PSMA6: variants seen among roughly 807,000 people sequenced by gnomAD.
PSMA6 encodes the protein proteasome subunit alpha type-6.
For synonymous variants in PSMA6, 88 were observed against 97.7 expected (o/e 0.90, Z 0.59); for missense variants, 170 against 294.8 (o/e 0.58, Z 3.10).
rs780734086 is a variant in PSMA6 at position 35,292,387 on chromosome 14, C to T, written c.-90C>T. The T allele has an allele frequency of 3.8e-5, 59 of 1,541,342 alleles. No homozygotes were observed. Among genetic ancestry groups the T allele is most frequent in the Non-Finnish European group, 5.2e-5 (59 of 1,144,852 alleles). On this transcript the variant is annotated 5_prime_UTR_variant, in exon 1 of 7. Coordinates refer to ENST00000261479, the MANE Select transcript of PSMA6 (RefSeq NM_002791.3). ...AGAAACGCGGCTGGTACCCCGGAAG[C>T]AGTCGCTGCAACTTCCGGGAGGTGC... is the stretch of plus-strand genomic sequence containing the variant.
intron 1 of PSMA6, among the ~76,000 whole-genome samples, chr14:35,298,811 A>T (rs932117578): frequency 1.3e-5 from 2 of 148,746 alleles, no homozygotes; most frequent in African/African-American, 4.9e-5. Context: ...TCAGATCACT[A>T]TAACTTCCGC....
rs1044023041 is a variant in PSMA6 at position 35,309,124 on chromosome 14, G to A, written c.253+129G>A. ...ATTTTCAAGTGCCATGAGTGGATTTGCAGTCTTCTAAGACTAGTATCAATA... is the reference window on the plus strand; with the variant it reads ...ATTTTCAAGTGCCATGAGTGGATTTACAGTCTTCTAAGACTAGTATCAATA... On this transcript the variant is annotated intron_variant, in intron 3 of 6. Transcript: ENST00000261479. 1.6e-5 allele frequency: 11 copies of A among 695,694 alleles called. No individual in the cohort carries two copies. The South Asian group carries it at 2.2e-4, about 14-fold the overall frequency. The allele number at this position is 695,694 out of a possible 1,614,324, so 43.1% of individuals were successfully genotyped here.
At chr14:35,290,343 CT>C (rs2051464044), upstream of PSMA6, among the ~76,000 whole-genome samples, 1 of 152,058 alleles carries the variant, frequency 6.6e-6, no homozygotes, top group South Asian at 2.1e-4. Context: ...AGACAAAAGT[CT>C]TCAAAAGGTC....
chr14:35,303,359 ACT>A (rs2051756673), intron 1 of PSMA6, among the ~76,000 whole-genome samples: 1 of 151,670 alleles, frequency 6.6e-6, no homozygotes, highest in South Asian at 2.1e-4. Flanking sequence ...AGAAGTTGGG[ACT>A]CTCACTCTCT....
chr14:35,307,606 C>T (rs994653552), intron 1 of PSMA6, among the ~76,000 whole-genome samples: 3 of 152,026 alleles, frequency 2.0e-5, no homozygotes, highest in Admixed American at 6.6e-5. Flanking sequence ...TGGTGGCACG[C>T]GCCTATAATC....
chr14:35,316,358 C>T (rs2052044262), intron 6 of PSMA6: 2 of 145,016 alleles, frequency 1.4e-5, no homozygotes, highest in Admixed American at 1.4e-4. Context: ...TGCACTCCAG[C>T]CTGGGCGACA....
chr14:35,313,855 A>C (rs1474461813), intron 5 of PSMA6: 1 of 152,286 alleles, frequency 6.6e-6, no homozygotes, highest in African/African-American at 2.4e-5. Context: ...GCTACTCAGG[A>C]GACTGAGTCA....
rs376612454 is a variant in PSMA6 at position 35,306,689 on chromosome 14, A to C, written c.77-1305A>C. On this transcript the variant is annotated intron_variant, in intron 1 of 6. Coordinates refer to ENST00000261479, the MANE Select transcript of PSMA6 (RefSeq NM_002791.3). Reference sequence around the variant, plus strand: ...GCCACTGCACTCCAGCCTGGGTGACAGAGCAAGATCTGTAATCTTACTGTC... The same window carrying C: ...GCCACTGCACTCCAGCCTGGGTGACCGAGCAAGATCTGTAATCTTACTGTC... Among the ~76,000 whole-genome samples, 32 of 152,332 alleles carry C rather than the reference A, an allele frequency of 2.1e-4. No homozygotes were observed. The South Asian group carries it at 2.9e-3, about 14-fold the overall frequency.
chr14:35,291,861 CGG>C (rs2138712011), upstream of PSMA6, among the ~76,000 whole-genome samples: 1 of 147,456 alleles, frequency 6.8e-6, no homozygotes, highest in Admixed American at 6.8e-5. Flanking sequence ...TAAAAATTGT[CGG>C]GGCTGCTGGC....
At chr14:35,292,375 G>A, upstream of PSMA6, 1 of 1,534,464 alleles carries the variant, frequency 6.5e-7, no homozygotes, top group South Asian at 1.3e-5. Context: ...AACGCGGCTG[G>A]TACCCCGGAA....
intron 1 of PSMA6, 74 bp downstream of exon 1, chr14:35,292,626 G>T: frequency 6.4e-7 from 1 of 1,572,354 alleles, no homozygotes; most frequent in African/African-American, 1.4e-5. Flanking sequence ...GAGCAGACGC[G>T]GCCCGGGTTT....
At chr14:35,297,964 A>G (rs2051631540) in intron 1 of PSMA6, among the ~76,000 whole-genome samples, 1 of 152,224 alleles carries the variant, frequency 6.6e-6, no homozygotes, top group Non-Finnish European at 1.5e-5. Context: ...TACATACAAA[A>G]TAACTGTTGA....
At chr14:35,300,665 G>C (rs1379652882) in intron 1 of PSMA6, among the ~76,000 whole-genome samples, 1 of 152,132 alleles carries the variant, frequency 6.6e-6, no homozygotes, top group African/African-American at 2.4e-5. Flanking sequence ...CTAGTACAGT[G>C]ACCTTCATGT....
At chr14:35,292,341 A>G, upstream of PSMA6, 2 of 1,509,524 alleles carry the variant, frequency 1.3e-6, no homozygotes, top group Non-Finnish European at 8.9e-7. Flanking sequence ...CAGAGCCGTG[A>G]GTTCGGCATG....
In PSMA6 at chr14:35,310,242, C is replaced by T. The variant is rs181415546; in HGVS notation, c.254-498C>T. 19 of 428,336 alleles carry T rather than the reference C, an allele frequency of 4.4e-5. No homozygotes were observed. In the East Asian group the frequency reaches 1.0e-3, roughly 23 times the overall value. 26.5% of individuals were successfully genotyped at this position (428,336 alleles called of 1,614,324 possible). A position where few individuals can be genotyped will look rare whatever the true frequency, so the allele number is the denominator to read the frequency against. ...TCTCACTTTGTCGCCCAGGCTGCTC[C>T]GCCTCCTGGGTTCAAGCAATTCTCG... On this transcript the variant is annotated intron_variant, in intron 3 of 6. Transcript: ENST00000261479.
rs534189707 is a variant in PSMA6 at position 35,303,140 on chromosome 14, CTG to C, written c.77-4851_77-4850del. ...ATTTATGAATGTTATTTTATGAAGA[CTG>C]TGGATTCTGTTATATTTCTCCAAAG... On this transcript the variant is annotated intron_variant, in intron 1 of 6. Coordinates refer to ENST00000261479, the MANE Select transcript of PSMA6 (RefSeq NM_002791.3). Among the ~76,000 whole-genome samples, 7 of 152,152 alleles carry C rather than the reference CTG, an allele frequency of 4.6e-5. No individual in the cohort carries two copies. The South Asian group carries it at 1.5e-3, about 32-fold the overall frequency.
intron 1 of PSMA6, among the ~76,000 whole-genome samples, chr14:35,300,170 G>A (rs1166697943): frequency 6.6e-6 from 1 of 152,096 alleles, no homozygotes; most frequent in Non-Finnish European, 1.5e-5. Context: ...GGAGAGTTGA[G>A]TGTAGAAATG....
chr14:35,292,399 C>G lies in PSMA6; in HGVS notation c.-78C>G. 3.2e-6 allele frequency: 5 copies of G among 1,548,436 alleles called. No homozygotes were observed. The highest frequency in any genetic ancestry group is 4.4e-6 in the Non-Finnish European group (5 of 1,148,554). On this transcript the variant is annotated 5_prime_UTR_variant, in exon 1 of 7. Transcript: ENST00000261479. ...GGTACCCCGGAAGCAGTCGCTGCAA[C>G]TTCCGGGAGGTGCTTGTGTGCCTGG...
At chr14:35,281,035 A>G (rs975114773) in intron 1 of PSMA6, among the ~76,000 whole-genome samples, 28 of 152,014 alleles carry the variant, frequency 1.8e-4, no homozygotes, top group Non-Finnish European at 1.5e-5. Flanking sequence ...TTAAACCACC[A>G]TTGACCTGTT....
Sources: allele counts gnomAD v4.1 joint callset (sites outside exome capture counted in the v4.1 genomes callset), GRCh38; gene constraint gnomAD v4.1.1; transcripts MANE v1.5; gene names NCBI Gene and HGNC (gene_info 2026-07-23, HGNC 2026-07-21).